Variants in ZNF609 observed in about 807,000 individuals in gnomAD.
The protein encoded by ZNF609 is zinc finger protein 609.
Under a neutral mutation model 109.5 loss-of-function variants are expected in ZNF609, and 11 were observed. The observed-to-expected ratio is 0.10, with a 90% CI of 0.06 to 0.17. The LOEUF (loss-of-function observed/expected upper bound fraction) is 0.17. Ranked by LOEUF, ZNF609 falls within the 10% of genes least tolerant of loss-of-function variation. The pLI is 1.00. For missense variants in ZNF609, 1,559 were observed against 1,772.4 expected (o/e 0.88, Z 2.16); for synonymous variants, 646 against 662.0 (o/e 0.98, Z 0.37).
At chr15:64,500,691 A>G (rs1426515438) in intron 2 of ZNF609, 2 of 471,302 alleles carry the variant, frequency 4.2e-6, no homozygotes, top group South Asian at 2.9e-5. Flanking sequence ...CCGGCTACCA[A>G]AGAGCGAAGG....
intron 2 of ZNF609, among the ~76,000 whole-genome samples, chr15:64,590,431 A>G (rs2140937534): frequency 6.6e-6 from 1 of 151,796 alleles, no homozygotes; most frequent in East Asian, 1.9e-4. Flanking sequence ...AAGTGATTCT[A>G]CTGCCTCAGC....
At chr15:64,487,469 T>A (rs915762473) in intron 1 of ZNF609, among the ~76,000 whole-genome samples, 3 of 152,184 alleles carry the variant, frequency 2.0e-5, no homozygotes, top group African/African-American at 7.2e-5. Context: ...TACAGATATG[T>A]AACCACTATC....
intron 3 of ZNF609, among the ~76,000 whole-genome samples, chr15:64,632,785 G>GT (rs1448686903): frequency 1.3e-5 from 2 of 151,586 alleles, no homozygotes; most frequent in African/African-American, 4.9e-5. Flanking sequence ...TTTTTGTTTT[G>GT]TTTTTTTCAG....
chr15:64,631,069 A>G (rs1209472878), intron 3 of ZNF609: 6 of 376,046 alleles, frequency 1.6e-5, no homozygotes, highest in Non-Finnish European at 5.0e-6. Context: ...GAAGAGAAAC[A>G]TTTTTACAGT....
chr15:64,605,760 G>A (rs12908220), intron 2 of ZNF609, among the ~76,000 whole-genome samples: 53,824 of 143,212 alleles, frequency 0.38, 11,443 homozygotes, highest in East Asian at 0.86. Flanking sequence ...TTGAGACGGA[G>A]TCTCGCTCTG....
At chr15:64,653,346 T>G (rs1479673748) in intron 3 of ZNF609, among the ~76,000 whole-genome samples, 1 of 152,066 alleles carries the variant, frequency 6.6e-6, no homozygotes, top group African/African-American at 2.4e-5. Context: ...CATTCTAGAT[T>G]ATAAACTTCC....
intron 3 of ZNF609, among the ~76,000 whole-genome samples, chr15:64,634,309 A>T (rs1460017664): frequency 6.6e-6 from 1 of 152,114 alleles, no homozygotes; most frequent in Non-Finnish European, 1.5e-5. Flanking sequence ...GTAATAGGCT[A>T]TGGTTTTGCT....
intron 1 of ZNF609, among the ~76,000 whole-genome samples, chr15:64,482,236 A>G (rs1351962283): frequency 6.6e-6 from 1 of 152,228 alleles, no homozygotes; most frequent in African/African-American, 2.4e-5. Context: ...TCTAGTACAA[A>G]TGATGATAGA....
intron 1 of ZNF609, among the ~76,000 whole-genome samples, chr15:64,467,948 T>A (rs536019431): frequency 8.5e-5 from 13 of 152,340 alleles, no homozygotes; most frequent in Admixed American, 5.9e-4. Flanking sequence ...ATTTTATTTT[T>A]CTGTGTCTTT....
At chr15:64,644,779 C>A (rs961887737) in intron 3 of ZNF609, among the ~76,000 whole-genome samples, 2 of 152,104 alleles carry the variant, frequency 1.3e-5, no homozygotes, top group African/African-American at 4.8e-5. Context: ...CAATGGGTAG[C>A]TTTGTTTTTA....
In ZNF609 at chr15:64,622,909, G is replaced by A. The variant is rs748279965; in HGVS notation, c.830G>A (p.Cys277Tyr). The A allele has an allele frequency of 6.2e-7, 1 of 1,614,176 alleles. No homozygotes were observed. The highest frequency in any genetic ancestry group is 8.5e-7 in the Non-Finnish European group (1 of 1,180,002). ...GTCAACAATGACATCTCATCTCCCT[G>A]TGAGCAGATCATGGTTCGTACCCGA... is the stretch of plus-strand genomic sequence containing the variant. ...PVVNNDISSP[C>Y]EQIMVRTRSV... The change falls in exon 3 of 10, where the codon TGT (cysteine) becomes TAT (tyrosine). Residue 277 changes from cysteine (C) to tyrosine (Y), a missense_variant. Cys to Tyr is a radical substitution (Grantham distance 194). Coordinates refer to ENST00000326648, the MANE Select transcript of ZNF609 (RefSeq NM_015042.2).
chr15:64,628,026 A>C (rs2140978608), intron 3 of ZNF609, among the ~76,000 whole-genome samples: 1 of 150,984 alleles, frequency 6.6e-6, no homozygotes, highest in Non-Finnish European at 1.5e-5. Flanking sequence ...TAATCCCAGC[A>C]CTTTGGGAGG....
chr15:64,560,495 G>A (rs866331815), intron 2 of ZNF609, among the ~76,000 whole-genome samples: 6 of 151,530 alleles, frequency 4.0e-5, no homozygotes, highest in East Asian at 1.9e-4. Flanking sequence ...TCCTGAAATC[G>A]AAATATTCTT....
At chr15:64,567,804 G>T (rs1267997903) in intron 2 of ZNF609, among the ~76,000 whole-genome samples, 1 of 152,006 alleles carries the variant, frequency 6.6e-6, no homozygotes, top group Non-Finnish European at 1.5e-5. Context: ...TGGGACTACA[G>T]ACACGTGCCA....
chr15:64,584,668 G>T (rs1264501974), intron 2 of ZNF609, among the ~76,000 whole-genome samples: 1 of 151,524 alleles, frequency 6.6e-6, no homozygotes. Context: ...TTTCACTCTT[G>T]TCCAGGCTGG....
chr15:64,576,579 G>A (rs57028971), intron 2 of ZNF609, among the ~76,000 whole-genome samples: 1 of 151,940 alleles, frequency 6.6e-6, no homozygotes, highest in Non-Finnish European at 1.5e-5. Flanking sequence ...ATGTTTCTAC[G>A]AAAAGGAAGA....
intron 1 of ZNF609, 45 bp from the exon 2 acceptor site, chr15:64,499,248 C>A: frequency 2.5e-6 from 2 of 790,598 alleles, no homozygotes; most frequent in Non-Finnish European, 3.8e-6. Context: ...GCGTCTCTTG[C>A]CTGTATTGTT....
intron 2 of ZNF609, among the ~76,000 whole-genome samples, chr15:64,617,160 G>A (rs148076048): frequency 0.014 from 2,122 of 151,882 alleles, 35 homozygotes; most frequent in Non-Finnish European, 0.023. Flanking sequence ...GATGGGCAAC[G>A]TAGGGAGACT....
intron 2 of ZNF609, among the ~76,000 whole-genome samples, chr15:64,531,750 T>C (rs958225349): frequency 6.6e-6 from 1 of 152,092 alleles, no homozygotes; most frequent in Non-Finnish European, 1.5e-5. Context: ...TGGGCCTCAG[T>C]TTCCTCATCT....
Sources: allele counts gnomAD v4.1 joint callset (sites outside exome capture counted in the v4.1 genomes callset), GRCh38; gene constraint gnomAD v4.1.1; transcripts MANE v1.5; gene names NCBI Gene and HGNC (gene_info 2026-07-23, HGNC 2026-07-21).